EIF3E: variants seen among roughly 807,000 people sequenced by gnomAD.
The protein encoded by EIF3E is eukaryotic translation initiation factor 3 subunit E, also known as eIF-3 p48.
EIF3E carries 25 observed loss-of-function variants against 59.3 expected under a neutral mutation model. The observed-to-expected ratio is 0.42, with a 90% CI of 0.31 to 0.59. EIF3E has a LOEUF of 0.59. EIF3E is among the 20% of genes least tolerant of loss of function. The pLI, the probability that EIF3E is intolerant of heterozygous loss-of-function variation, is 0.15. For synonymous variants in EIF3E, 176 were observed against 170.2 expected, an observed-to-expected ratio of 1.03 and a Z score of -0.26; for missense variants, 317 against 534.3, an observed-to-expected ratio of 0.59 and a Z score of 4.01.
intron 4 of EIF3E, among the ~76,000 whole-genome samples, chr8:108,235,303 G>A (rs892205932): frequency 6.6e-6 from 1 of 152,124 alleles, no homozygotes; most frequent in Non-Finnish European, 1.5e-5. Context: ...ACTGACCTCT[G>A]GAGTTATTTA....
chr8:108,208,016 T>C (rs577543697), intron 10 of EIF3E, among the ~76,000 whole-genome samples: 1 of 152,190 alleles, frequency 6.6e-6, no homozygotes, highest in African/African-American at 2.4e-5. Flanking sequence ...AGAAGATATA[T>C]AAGTCTTAAT....
At chr8:108,213,828 ACT>A (rs1282787604) in intron 10 of EIF3E, among the ~76,000 whole-genome samples, 1 of 152,202 alleles carries the variant, frequency 6.6e-6, no homozygotes, top group East Asian at 1.9e-4. Flanking sequence ...TATCCTTCTA[ACT>A]CTGGACAACC....
intron 10 of EIF3E, among the ~76,000 whole-genome samples, chr8:108,204,968 C>T (rs1267242976): frequency 6.6e-6 from 1 of 151,926 alleles, no homozygotes; most frequent in Non-Finnish European, 1.5e-5. Flanking sequence ...AAAAACACAC[C>T]AGTCTTAGTA....
intron 7 of EIF3E, among the ~76,000 whole-genome samples, chr8:108,224,823 TTAG>T (rs990006694): frequency 6.6e-6 from 1 of 151,546 alleles, no homozygotes; most frequent in African/African-American, 2.5e-5. Flanking sequence ...TTCTTGTACT[TTAG>T]AGTAAATCAA....
At chr8:108,247,468 C>G (rs977815083) in intron 1 of EIF3E, among the ~76,000 whole-genome samples, 1 of 152,142 alleles carries the variant, frequency 6.6e-6, no homozygotes, top group Non-Finnish European at 1.5e-5. Flanking sequence ...TTTTACATGA[C>G]AAGACATTCT....
chr8:108,240,483 A>T (rs963868205), intron 2 of EIF3E, among the ~76,000 whole-genome samples: 19 of 152,216 alleles, frequency 1.2e-4, no homozygotes, highest in African/African-American at 4.6e-4. Flanking sequence ...TTTTGAAGAA[A>T]AACTCAGAGG....
intron 7 of EIF3E, among the ~76,000 whole-genome samples, chr8:108,218,083 T>C (rs868195097): frequency 6.6e-6 from 1 of 152,234 alleles, no homozygotes; most frequent in African/African-American, 2.4e-5. Flanking sequence ...TTACCCTTAT[T>C]TCTCCTGCTT....
intron 5 of EIF3E, chr8:108,231,846 T>C (rs1815628026): frequency 6.6e-6 from 1 of 152,010 alleles, no homozygotes; most frequent in Non-Finnish European, 1.5e-5. Flanking sequence ...CACGAGTCTT[T>C]TCTTTTTTTT....
intron 12 of EIF3E, among the ~76,000 whole-genome samples, chr8:108,202,230 T>TA (rs561391123): frequency 1.1e-4 from 17 of 152,122 alleles, no homozygotes; most frequent in Non-Finnish European, 2.5e-4. Flanking sequence ...ATATGAAAGT[T>TA]ACTTTCTAGG....
At chr8:108,212,921 G>GA (rs1049604894) in intron 10 of EIF3E, among the ~76,000 whole-genome samples, 5 of 151,162 alleles carry the variant, frequency 3.3e-5, no homozygotes, top group African/African-American at 7.3e-5. Flanking sequence ...GCTACTACTA[G>GA]AAAAAAAAAT....
chr8:108,216,280 C>T, intron 9 of EIF3E, 132 bp downstream of exon 9: 1 of 661,254 alleles, frequency 1.5e-6, no homozygotes, highest in Non-Finnish European at 2.5e-6. Context: ...GCCATTTAGG[C>T]CTTTTTAAGA....
At chr8:108,235,885 T>C (rs997553162) in intron 4 of EIF3E, among the ~76,000 whole-genome samples, 1 of 152,234 alleles carries the variant, frequency 6.6e-6, no homozygotes, top group Non-Finnish European at 1.5e-5. Context: ...TTGGCACTAA[T>C]ATAAAATGCC....
At chr8:108,209,561 A>G (rs968205505) in intron 10 of EIF3E, among the ~76,000 whole-genome samples, 2 of 152,184 alleles carry the variant, frequency 1.3e-5, no homozygotes, top group African/African-American at 2.4e-5. Context: ...CTGGATTTTA[A>G]GTTCTTTGAA....
intron 1 of EIF3E, among the ~76,000 whole-genome samples, chr8:108,248,385 G>A (rs1815989989): frequency 6.6e-6 from 1 of 152,146 alleles, no homozygotes. Context: ...GTAAGTGAAA[G>A]AGACTTCTTT....
intron 4 of EIF3E, 38 bp from the exon 5 acceptor site, chr8:108,235,140 T>C: frequency 7.5e-7 from 1 of 1,341,692 alleles, no homozygotes; most frequent in Non-Finnish European, 1.0e-6. Flanking sequence ...CTCTTTAATT[T>C]AGAGTTTTAA....
At chr8:108,237,270 G>A (rs1325016987) in intron 3 of EIF3E, among the ~76,000 whole-genome samples, 1 of 152,146 alleles carries the variant, frequency 6.6e-6, no homozygotes, top group Non-Finnish European at 1.5e-5. Context: ...ACTGTTTTTT[G>A]AGACGGAGTC....
intron 5 of EIF3E, among the ~76,000 whole-genome samples, chr8:108,231,226 TATC>T (rs1449965690): frequency 2.6e-5 from 4 of 152,268 alleles, no homozygotes; most frequent in African/African-American, 4.8e-5. Context: ...TATAAAAATA[TATC>T]ATCGAGTCAA....
chr8:108,229,785 C>T (rs74733045), intron 5 of EIF3E, among the ~76,000 whole-genome samples: 3,215 of 152,148 alleles, frequency 0.021, 132 homozygotes, highest in African/African-American at 0.073. Context: ...AACAAAAACC[C>T]TATATTTTTT....
chr8:108,242,651 C>T, intron 1 of EIF3E: 2 of 1,145,218 alleles, frequency 1.7e-6, no homozygotes, highest in Admixed American at 4.1e-5. Flanking sequence ...GGGTATTTAG[C>T]CATGAGAGCA....
Sources: gnomAD v4.1 joint callset for allele counts (sites outside exome capture counted in the v4.1 genomes callset) on GRCh38, gnomAD v4.1.1 for gene constraint, MANE v1.5 for transcripts, NCBI Gene and HGNC (gene_info 2026-07-23, HGNC 2026-07-21) for gene names.